EEF1AKMT1: variants seen among roughly 807,000 people sequenced by gnomAD.
The protein encoded by EEF1AKMT1 is N-6 adenine-specific DNA methyltransferase 2 (putative).
Under a neutral mutation model 21.0 loss-of-function variants are expected in EEF1AKMT1, and 18 were observed. That is an observed-to-expected ratio of 0.86 (90% CI 0.59 to 1.27). EEF1AKMT1 has a LOEUF of 1.27. EEF1AKMT1 is among the 50% of genes most tolerant of loss of function. The probability of loss-of-function intolerance (pLI) is 0.00; values close to 1 mark genes in which losing one functional copy is unlikely to be tolerated. For synonymous variants in EEF1AKMT1, 109 were observed against 94.8 expected (o/e 1.15, Z -0.87); for missense variants, 246 against 258.6 (o/e 0.95, Z 0.33).
chr13:20,732,455 C>G (rs1234010249), intron 3 of EEF1AKMT1, among the ~76,000 whole-genome samples: 1 of 152,144 alleles, frequency 6.6e-6, no homozygotes, highest in Admixed American at 6.5e-5. Context: ...CTATTCCTCC[C>G]AAGTAGCTGG....
At chr13:20,764,880 AAC>A (rs34574835) in intron 1 of EEF1AKMT1, among the ~76,000 whole-genome samples, 4,415 of 139,830 alleles carry the variant, frequency 0.032, 86 homozygotes, top group African/African-American at 0.054. Flanking sequence ...TTTCACTTTC[AAC>A]ACACACACAC....
intron 2 of EEF1AKMT1, among the ~76,000 whole-genome samples, chr13:20,746,764 T>G (rs1244608881): frequency 6.6e-6 from 1 of 152,192 alleles, no homozygotes; most frequent in Non-Finnish European, 1.5e-5. Context: ...TACAACCTTA[T>G]TCTGATTCTA....
At chr13:20,749,420 C>G (rs901508604) in intron 2 of EEF1AKMT1, among the ~76,000 whole-genome samples, 1 of 152,206 alleles carries the variant, frequency 6.6e-6, no homozygotes, top group Admixed American at 6.5e-5. Flanking sequence ...CTATATGCAT[C>G]AGATTTCCTA....
At chr13:20,763,699 C>T (rs7990231) in intron 1 of EEF1AKMT1, among the ~76,000 whole-genome samples, 42,602 of 151,972 alleles carry the variant, frequency 0.28, 7,517 homozygotes, top group East Asian at 0.76. Context: ...GTGATCTGCC[C>T]GCCTAGGTCT....
intron 2 of EEF1AKMT1, among the ~76,000 whole-genome samples, chr13:20,745,808 A>T (rs1312981076): frequency 2.6e-5 from 4 of 152,162 alleles, no homozygotes; most frequent in African/African-American, 9.7e-5. Flanking sequence ...AGATTGTGCC[A>T]CTGCACTCCA....
intron 4 of EEF1AKMT1, among the ~76,000 whole-genome samples, chr13:20,729,552 T>C (rs1014884936): frequency 3.3e-5 from 5 of 152,038 alleles, no homozygotes; most frequent in African/African-American, 1.2e-4. Context: ...AAATAATTAC[T>C]AAAAACTACA....
intron 2 of EEF1AKMT1, among the ~76,000 whole-genome samples, chr13:20,739,880 C>T (rs1238949918): frequency 6.6e-6 from 1 of 152,268 alleles, no homozygotes; most frequent in Non-Finnish European, 1.5e-5. Context: ...CTAGTGGATC[C>T]AGCACTGGGG....
chr13:20,766,812 A>G (rs759609523), intron 1 of EEF1AKMT1, among the ~76,000 whole-genome samples: 1 of 151,744 alleles, frequency 6.6e-6, no homozygotes, highest in African/African-American at 2.4e-5. Context: ...ACAGAGCAAG[A>G]CTCCATCTCA....
In EEF1AKMT1 at chr13:20,731,156, C is replaced by T. The variant is rs371540808; in HGVS notation, c.508+685G>A. 9.4e-5 allele frequency among the ~76,000 whole-genome samples: 14 copies of T among 148,750 alleles called. No homozygotes were observed. The East Asian group carries it at 2.0e-3, about 21-fold the overall frequency. Reference sequence around the variant, plus strand: ...CTCCATCTCCCAAATGGCGGGGAGGCCCATGCAACCACACCTGGCTAATGT... The same window carrying T: ...CTCCATCTCCCAAATGGCGGGGAGGTCCATGCAACCACACCTGGCTAATGT... On this transcript the variant is annotated intron_variant, in intron 4 of 4. Coordinates refer to ENST00000382758, the MANE Select transcript of EEF1AKMT1 (RefSeq NM_001318939.2).
At chr13:20,763,865 G>A (rs2059013502) in intron 1 of EEF1AKMT1, among the ~76,000 whole-genome samples, 1 of 152,158 alleles carries the variant, frequency 6.6e-6, no homozygotes, top group Non-Finnish European at 1.5e-5. Context: ...TAGTTTCAAC[G>A]AATTGGTCTG....
intron 1 of EEF1AKMT1, among the ~76,000 whole-genome samples, chr13:20,767,083 G>T (rs933247848): frequency 4.6e-5 from 7 of 151,938 alleles, no homozygotes; most frequent in Admixed American, 4.6e-4. Context: ...GAGGTGGGCG[G>T]ATCACGAGGT....
At chr13:20,772,386 T>C (rs1262171898) in intron 1 of EEF1AKMT1, among the ~76,000 whole-genome samples, 2 of 152,214 alleles carry the variant, frequency 1.3e-5, no homozygotes, top group Non-Finnish European at 2.9e-5. Flanking sequence ...GGGGAACATC[T>C]GGCAATGCCT....
At chr13:20,735,326 G>GCC (rs55752414) in intron 3 of EEF1AKMT1, among the ~76,000 whole-genome samples, 11 of 151,962 alleles carry the variant, frequency 7.2e-5, no homozygotes, top group African/African-American at 1.9e-4. Flanking sequence ...CCCAAAGCCT[G>GCC]CCCCCCACCA....
intron 2 of EEF1AKMT1, among the ~76,000 whole-genome samples, chr13:20,750,434 A>G (rs2058934292): frequency 6.6e-6 from 1 of 152,144 alleles, no homozygotes; most frequent in African/African-American, 2.4e-5. Flanking sequence ...GCATATAAGA[A>G]CATGCAATAT....
intron 4 of EEF1AKMT1, among the ~76,000 whole-genome samples, chr13:20,731,063 T>C (rs2058792115): frequency 6.6e-6 from 1 of 152,212 alleles, no homozygotes; most frequent in African/African-American, 2.4e-5. Flanking sequence ...CCACGAGGTC[T>C]GTGGCTTCAT....
chr13:20,746,734 A>AT (rs905036093), intron 2 of EEF1AKMT1, among the ~76,000 whole-genome samples: 2 of 152,160 alleles, frequency 1.3e-5, no homozygotes, highest in Non-Finnish European at 2.9e-5. Flanking sequence ...GTCCCACTCC[A>AT]TTTTTTAAGA....
intron 2 of EEF1AKMT1, among the ~76,000 whole-genome samples, chr13:20,755,569 G>A (rs149260192): frequency 5.9e-5 from 9 of 152,314 alleles, no homozygotes; most frequent in Non-Finnish European, 8.8e-5. Context: ...CAAGCAGGCT[G>A]CCTCACTTCC....
chr13:20,745,449 T>G (rs1006618758), intron 2 of EEF1AKMT1, among the ~76,000 whole-genome samples: 2 of 152,198 alleles, frequency 1.3e-5, no homozygotes, highest in African/African-American at 4.8e-5. Context: ...GTAGCAACTG[T>G]GAATGGGAGT....
chr13:20,740,600 G>A (rs2058864079), intron 2 of EEF1AKMT1, among the ~76,000 whole-genome samples: 1 of 152,224 alleles, frequency 6.6e-6, no homozygotes, highest in Non-Finnish European at 1.5e-5. Context: ...GCCAGGAGTT[G>A]GAGCCAGCCC....
Sources: gnomAD v4.1 joint callset for allele counts (sites outside exome capture counted in the v4.1 genomes callset) on GRCh38, gnomAD v4.1.1 for gene constraint, MANE v1.5 for transcripts, NCBI Gene and HGNC (gene_info 2026-07-23, HGNC 2026-07-21) for gene names.